PPM1A: variants seen among roughly 807,000 people sequenced by gnomAD.
PPM1A encodes the protein protein phosphatase, Mg2+/Mn2+ dependent 1A.
A neutral mutation model predicts 35.0 loss-of-function variants in PPM1A; 7 were observed. That is an observed-to-expected ratio of 0.20 (90% CI 0.11 to 0.38). The LOEUF is 0.38. PPM1A is among the 10% of genes least tolerant of loss of function. The pLI is 1.00. For synonymous variants in PPM1A, 153 were observed against 167.3 expected, an observed-to-expected ratio of 0.91 and a Z score of 0.66; for missense variants, 239 against 467.8, an observed-to-expected ratio of 0.51 and a Z score of 4.51.
rs1887719517 is a variant in PPM1A, at chr14:60,292,332, CATTT to C, written c.1120-118_1120-115del. ...ATATATACTTATATACTTTAAAAAA[CATTT>C]ATATTCTAAAAGTCATCTTTACAGA... On this transcript the variant is annotated intron_variant, in intron 5 of 5. Transcript: ENST00000395076. The surrounding 1 kb of genome is among the most constrained non-coding windows in gnomAD (Gnocchi z 4.2). 1 of 686,948 alleles carries C rather than the reference CATTT, an allele frequency of 1.5e-6. No homozygotes were observed. Among genetic ancestry groups the C allele is most frequent in the Non-Finnish European group, 2.5e-6 (1 of 403,696 alleles). The allele number at this position is 686,948 out of a possible 1,614,324, so 42.6% of individuals were successfully genotyped here.
Position 60,289,835 on chromosome 14 carries a change from C to T in PPM1A, c.982C>T (p.Pro328Ser), listed in dbSNP as rs1490489900. Residue 328 changes from proline to serine, a missense_variant, in exon 4 of 6, where the codon CCC becomes TCC. Coordinates refer to ENST00000395076, the MANE Select transcript of PPM1A (RefSeq NM_021003.5). The surrounding 1 kb of genome is among the most constrained non-coding windows in gnomAD (Gnocchi z 4.1). ...EIIKKQGEGV[P>S]DLVHVMRTLA... ...CATAAAGAAGCAGGGGGAAGGCGTC[C>T]CCGACTTAGTCCATGTGATGCGCAC... is the stretch of plus-strand genomic sequence containing the variant. 1.2e-6 allele frequency: 2 copies of T among 1,607,610 alleles called. No homozygotes were observed. Among genetic ancestry groups the T allele is most frequent in the African/African-American group, 1.3e-5 (1 of 74,398 alleles).
intron 1 of PPM1A, among the ~76,000 whole-genome samples, chr14:60,272,834 A>G (rs1266013701): frequency 6.6e-6 from 1 of 151,962 alleles, no homozygotes; most frequent in Non-Finnish European, 1.5e-5. Context: ...TTTATTCTCT[A>G]ATATCTTTTG....
At position 60,250,457 on chromosome 14, in the gene PPM1A, C is replaced by T. The variant is rs963195706; in HGVS notation, c.-21+780C>T. ...CTTCTACCAACTGCAGTTTTAGATA[C>T]GTTTTGAAAATTTCATCACCTGAGG... On this transcript the variant is annotated intron_variant, in intron 1 of 5. Transcript: ENST00000395076. The T allele has an allele frequency of 1.4e-5, 14 of 982,094 alleles. No homozygotes were observed. The African/African-American group carries it at 2.1e-4, about 15-fold the overall frequency. 60.8% of individuals were successfully genotyped at this position (982,094 alleles called of 1,614,324 possible). A position where few individuals can be genotyped will look rare whatever the true frequency, so the allele number is the denominator to read the frequency against.
intron 1 of PPM1A, chr14:60,250,497 C>T: frequency 3.5e-6 from 3 of 853,926 alleles, no homozygotes; most frequent in Non-Finnish European, 4.2e-6. Context: ...TTTCTTCTCT[C>T]CTGAAACACC....
rs754438283 is a variant in PPM1A, at chr14:60,283,588, A to T, written c.834+51A>T. On this transcript the variant is annotated intron_variant, in intron 2 of 5. Coordinates refer to ENST00000395076, the MANE Select transcript of PPM1A (RefSeq NM_021003.5). This position sits in a 1 kb window ranked among gnomAD's most constrained non-coding sequence, Gnocchi z 6.3. Reference sequence around the variant, plus strand: ...AAAATGATTTTATGCCATATTAATCACTACTCTAGTATTTAATCATCTTAG... The same window carrying T: ...AAAATGATTTTATGCCATATTAATCTCTACTCTAGTATTTAATCATCTTAG... 1 of 1,512,156 alleles carries T rather than the reference A, an allele frequency of 6.6e-7. No homozygotes were observed. The highest frequency in any genetic ancestry group is 8.9e-7 in the Non-Finnish European group (1 of 1,127,230). 93.7% of individuals were successfully genotyped at this position (1,512,156 alleles called of 1,614,324 possible).
At position 60,282,218 on chromosome 14, in the gene PPM1A, G is replaced by C. The variant is rs1388587369; in HGVS notation, c.-20-466G>C. The stretch of plus-strand genomic sequence containing the variant: ...TAGTTTTTCAGAGTTCATGCAGTGG[G>C]AATAAAACTAGGGAGTTTGGAATCA... On this transcript the variant is annotated intron_variant, in intron 1 of 5. Coordinates refer to ENST00000395076, the MANE Select transcript of PPM1A (RefSeq NM_021003.5). The surrounding 1 kb of genome is among the most constrained non-coding windows in gnomAD (Gnocchi z 5.1). 6.6e-6 allele frequency among the ~76,000 whole-genome samples: 1 copy of C among 152,186 alleles called. No individual in the cohort carries two copies. The highest frequency in any genetic ancestry group is 1.9e-4 in the East Asian group (1 of 5,200).
At chr14:60,250,813 A>G (rs1367577390) in intron 1 of PPM1A, among the ~76,000 whole-genome samples, 6 of 152,218 alleles carry the variant, frequency 3.9e-5, no homozygotes, top group Non-Finnish European at 8.8e-5. Context: ...ATTTGTTGAA[A>G]CACTACTCTG....
chr14:60,263,436 A>G (rs976213508), intron 1 of PPM1A, among the ~76,000 whole-genome samples: 1 of 151,966 alleles, frequency 6.6e-6, no homozygotes, highest in Non-Finnish European at 1.5e-5. Context: ...TTATTATTTT[A>G]TTTCTTCAAC....
chr14:60,288,128 T>A, intron 3 of PPM1A: 1 of 985,006 alleles, frequency 1.0e-6, no homozygotes, highest in Non-Finnish European at 1.2e-6. Flanking sequence ...TCAGGTAGTT[T>A]AAATGCGTTG....
At chr14:60,253,764 TTAA>T (rs1281832179) in intron 1 of PPM1A, among the ~76,000 whole-genome samples, 1 of 152,206 alleles carries the variant, frequency 6.6e-6, no homozygotes, top group Non-Finnish European at 1.5e-5. Context: ...GGAATCCATG[TTAA>T]TTCTCAAGTG....
chr14:60,260,878 T>C (rs1292131831), intron 1 of PPM1A, among the ~76,000 whole-genome samples: 1 of 152,162 alleles, frequency 6.6e-6, no homozygotes, highest in East Asian at 1.9e-4. Flanking sequence ...TAACAATTCT[T>C]GTCTGACCGG....
At chr14:60,286,161 C>G in intron 3 of PPM1A, 1 of 984,906 alleles carries the variant, frequency 1.0e-6, no homozygotes, top group Non-Finnish European at 1.2e-6. Flanking sequence ...TCTCTAGGGC[C>G]TTTTTTCAAT....
chr14:60,268,945 T>G (rs1884738903), intron 1 of PPM1A, among the ~76,000 whole-genome samples: 2 of 151,248 alleles, frequency 1.3e-5, no homozygotes, highest in Admixed American at 6.6e-5. Context: ...CATTTTCTTT[T>G]TTTTTTTTTT....
intron 1 of PPM1A, among the ~76,000 whole-genome samples, chr14:60,257,488 G>A (rs1455495558): frequency 6.6e-6 from 1 of 152,144 alleles, no homozygotes; most frequent in African/African-American, 2.4e-5. Flanking sequence ...TTTAAATTTA[G>A]GCTGGTGTTT....
At chr14:60,255,808 T>G (rs1157370004) in intron 1 of PPM1A, among the ~76,000 whole-genome samples, 2 of 152,228 alleles carry the variant, frequency 1.3e-5, no homozygotes, top group African/African-American at 4.8e-5. Context: ...TGTAGAAGAC[T>G]AGGTTGACTG....
intron 1 of PPM1A, among the ~76,000 whole-genome samples, chr14:60,274,145 C>T (rs925643187): frequency 2.0e-5 from 3 of 152,020 alleles, no homozygotes; most frequent in Non-Finnish European, 2.9e-5. Flanking sequence ...AAGGAGACGA[C>T]GGAAAAGCTT....
At chr14:60,247,600 C>G (rs939314241), upstream of PPM1A, among the ~76,000 whole-genome samples, 3 of 132,234 alleles carry the variant, frequency 2.3e-5, no homozygotes, top group African/African-American at 9.1e-5. Flanking sequence ...ACTGTACTAG[C>G]CTGGATGAAA....
Position 60,273,069 on chromosome 14 carries a change from G to C in PPM1A, c.-20-9615G>C, listed in dbSNP as rs118028226. Among the ~76,000 whole-genome samples, 169 of 152,218 alleles carry C rather than the reference G, an allele frequency of 1.1e-3. 2 individuals are homozygous for C. In the East Asian group the frequency reaches 0.028, roughly 25 times the overall value. ...AACACTTTCTTCTCATTTCTTTGAT[G>C]ATAGCTTCTCTGTTTCTCCTTCAGA... On this transcript the variant is annotated intron_variant, in intron 1 of 5. Transcript: ENST00000395076. The surrounding 1 kb of genome is among the most constrained non-coding windows in gnomAD (Gnocchi z 4.3).
chr14:60,276,996 T>A, intron 1 of PPM1A: 1 of 1,107,384 alleles, frequency 9.0e-7, no homozygotes, highest in Non-Finnish European at 1.1e-6. Context: ...GTCTTGTTTT[T>A]TGTCATAGTA....
Sources: gnomAD v4.1 joint callset for allele counts (sites outside exome capture counted in the v4.1 genomes callset) on GRCh38, gnomAD v4.1.1 for gene constraint, Gnocchi (gnomAD v3.1) non-coding constraint, MANE v1.5 for transcripts, NCBI Gene and HGNC (gene_info 2026-07-23, HGNC 2026-07-21) for gene names.